Variants in CACNA1B observed in about 807,000 individuals in gnomAD.
CACNA1B encodes the protein voltage-dependent N-type calcium channel subunit alpha-1B.
CACNA1B carries 70 observed loss-of-function variants against 247.2 expected under a neutral mutation model. The ratio of observed to expected loss-of-function variants is 0.28; its 90% CI spans 0.23 to 0.35. The LOEUF (loss-of-function observed/expected upper bound fraction) is 0.35, where lower values mean the gene tolerates loss of function less well. CACNA1B is among the 10% of genes least tolerant of loss of function. The probability of loss-of-function intolerance (pLI) is 1.00; values close to 1 mark genes in which losing one functional copy is unlikely to be tolerated. For synonymous variants in CACNA1B, 1,231 were observed against 1,294.4 expected, an observed-to-expected ratio of 0.95 and a Z score of 1.05; for missense variants, 2,367 against 3,197.4, an observed-to-expected ratio of 0.74 and a Z score of 6.26.
chr9:137,960,959 C>T (rs1958014827), intron 10 of CACNA1B, among the ~76,000 whole-genome samples: 1 of 151,996 alleles, frequency 6.6e-6, no homozygotes, highest in Non-Finnish European at 1.5e-5. Context: ...CTCTAATAAT[C>T]AGTAACGTTG....
At chr9:138,022,395 C>A (rs1487209010) in intron 18 of CACNA1B, among the ~76,000 whole-genome samples, 1 of 152,126 alleles carries the variant, frequency 6.6e-6, no homozygotes, top group Non-Finnish European at 1.5e-5. Context: ...CTGAAAGGGC[C>A]AGGTGCTCCC....
chr9:138,013,521 G>A (rs1958753018), intron 18 of CACNA1B, among the ~76,000 whole-genome samples: 1 of 152,326 alleles, frequency 6.6e-6, no homozygotes, highest in South Asian at 2.1e-4. Flanking sequence ...GTGGCTCCAG[G>A]CCCCTCCCCA....
chr9:138,110,766 C>T (rs1301554925), intron 39 of CACNA1B, among the ~76,000 whole-genome samples: 3 of 151,924 alleles, frequency 2.0e-5, no homozygotes, highest in African/African-American at 7.3e-5. Flanking sequence ...AAAAGACAAG[C>T]CTAAAATTGG....
At chr9:138,078,002 G>T (rs1960386066) in intron 35 of CACNA1B, 112 bp from the exon 36 acceptor site, 2 of 851,858 alleles carry the variant, frequency 2.3e-6, no homozygotes, top group Non-Finnish European at 3.6e-6. Context: ...TGGCACATGT[G>T]TGAGCTGTCT....
rs1174301495 is a variant in CACNA1B, at chr9:138,073,652, T to C, written c.4791+48T>C. ...ATGCTTTCTGTCCCCTTCCTCCGTC[T>C]TGCTTCCCCTGCCCCCACCACAGTG... On this transcript the variant is annotated intron_variant, in intron 33 of 46. Coordinates refer to ENST00000371372, the MANE Select transcript of CACNA1B (RefSeq NM_000718.4). This position sits in a 1 kb window ranked among gnomAD's most constrained non-coding sequence, Gnocchi z 6.4. 1 of 1,076,520 alleles carries C rather than the reference T, an allele frequency of 9.3e-7. No individual in the cohort carries two copies. The highest frequency in any genetic ancestry group is 2.4e-5 in the East Asian group (1 of 42,320). 66.7% of individuals were successfully genotyped at this position (1,076,520 alleles called of 1,614,324 possible). A position where few individuals can be genotyped will look rare whatever the true frequency, so the allele number is the denominator to read the frequency against.
intron 37 of CACNA1B, among the ~76,000 whole-genome samples, chr9:138,099,784 C>G (rs937242839): frequency 2.6e-5 from 4 of 152,240 alleles, no homozygotes; most frequent in African/African-American, 9.6e-5. Flanking sequence ...CGAAACTGTT[C>G]ACCCTGGTGC....
chr9:138,053,817 T>G, intron 25 of CACNA1B, 29 bp from the exon 26 acceptor site: 1 of 1,202,966 alleles, frequency 8.3e-7, no homozygotes. Flanking sequence ...TTCCACCCCC[T>G]CATCATGGCT....
intron 39 of CACNA1B, among the ~76,000 whole-genome samples, chr9:138,112,187 C>T (rs1483775275): frequency 1.3e-5 from 2 of 152,170 alleles, no homozygotes; most frequent in African/African-American, 4.8e-5. Context: ...CACCTGCCTC[C>T]TCCTCTGGGC....
chr9:138,050,170 AC>A lies in CACNA1B; in HGVS notation c.3710+861del. Reference sequence around the variant, plus strand: ...CTTGGGTCATTTCATCTCCAGCCTCACCCCCCGCCCATCCACTTTCACCCCA... The same window carrying A: ...CTTGGGTCATTTCATCTCCAGCCTCACCCCCGCCCATCCACTTTCACCCCA... On this transcript the variant is annotated intron_variant, in intron 24 of 46. Coordinates refer to ENST00000371372, the MANE Select transcript of CACNA1B (RefSeq NM_000718.4). This position sits in a 1 kb window ranked among gnomAD's most constrained non-coding sequence, Gnocchi z 5.2. The A allele has an allele frequency of 2.0e-6, 2 of 1,007,554 alleles. No homozygotes were observed. Among genetic ancestry groups the A allele is most frequent in the Non-Finnish European group, 2.7e-6 (2 of 733,428 alleles). 62.4% of individuals were successfully genotyped at this position (1,007,554 alleles called of 1,614,324 possible). A position where few individuals can be genotyped will look rare whatever the true frequency, so the allele number is the denominator to read the frequency against.
At chr9:137,930,913 T>A (rs1001698207) in intron 6 of CACNA1B, among the ~76,000 whole-genome samples, 4 of 152,206 alleles carry the variant, frequency 2.6e-5, no homozygotes, top group African/African-American at 7.2e-5. Context: ...CACTCCAATT[T>A]AAAAAAATTA....
At chr9:137,976,065 C>T (rs1167412022) in intron 12 of CACNA1B, 46 bp downstream of exon 12, 1 of 1,122,602 alleles carries the variant, frequency 8.9e-7, no homozygotes, top group Non-Finnish European at 1.4e-6. Context: ...TCCTTTCCTG[C>T]AGGTGCACAC....
intron 37 of CACNA1B, among the ~76,000 whole-genome samples, chr9:138,101,529 T>G (rs1242084884): frequency 6.6e-6 from 1 of 152,216 alleles, no homozygotes; most frequent in Non-Finnish European, 1.5e-5. Flanking sequence ...AGTGAGCTGA[T>G]GGTCAGGCCA....
At chr9:138,003,300 G>A (rs1451703181) in intron 15 of CACNA1B, among the ~76,000 whole-genome samples, 3 of 151,424 alleles carry the variant, frequency 2.0e-5, no homozygotes, top group Non-Finnish European at 2.9e-5. Flanking sequence ...AGCCTTCTGA[G>A]TAGCTGGGAC....
chr9:138,058,124 C>T lies in CACNA1B; in HGVS notation c.4182C>T (p.Ile1394=). ...CTGGGTACCGCATGGAGCTGTCCAT[C>T]TTCTACGTGGTCTACTTTGTGGTCT... The part of the protein sequence containing the change: ...PSPGYRMELS[I]FYVVYFVVFP... Residue 1394 remains isoleucine, a synonymous_variant, in exon 28 of 47, where the codon ATC becomes ATT. Transcript: ENST00000371372. The surrounding 1 kb of genome is among the most constrained non-coding windows in gnomAD (Gnocchi z 4.7). 1.2e-6 allele frequency: 2 copies of T among 1,613,880 alleles called. No homozygotes were observed. Among genetic ancestry groups the T allele is most frequent in the Middle Eastern group, 1.6e-4 (1 of 6,062 alleles).
At chr9:137,968,641 G>A (rs1958109896) in intron 10 of CACNA1B, among the ~76,000 whole-genome samples, 1 of 152,250 alleles carries the variant, frequency 6.6e-6, no homozygotes, top group Non-Finnish European at 1.5e-5. Context: ...GGGTTATTGA[G>A]AACAGGGATG....
chr9:137,910,926 G>A (rs368101923), intron 3 of CACNA1B, among the ~76,000 whole-genome samples: 2 of 152,080 alleles, frequency 1.3e-5, no homozygotes, highest in African/African-American at 2.4e-5. Flanking sequence ...TATTGCCTGT[G>A]CTCTTGGTGT....
rs1037086775 is a variant in CACNA1B at position 137,971,812 on chromosome 9, G to A, written c.1543+220G>A. On this transcript the variant is annotated intron_variant, in intron 11 of 46. Coordinates refer to ENST00000371372, the MANE Select transcript of CACNA1B (RefSeq NM_000718.4). This position sits in a 1 kb window ranked among gnomAD's most constrained non-coding sequence, Gnocchi z 4.4. ...CTCTCCAGCCCCTGGGTTCCAGAAA[G>A]CACAGCTGGATCTGCTAGACCCCTG... Among the ~76,000 whole-genome samples, 1 of 152,176 alleles carries A rather than the reference G, an allele frequency of 6.6e-6. No individual in the cohort carries two copies. The highest frequency in any genetic ancestry group is 1.5e-5 in the Non-Finnish European group (1 of 68,026).
chr9:138,062,953 A>G (rs1959781865), intron 31 of CACNA1B, among the ~76,000 whole-genome samples: 1 of 152,226 alleles, frequency 6.6e-6, no homozygotes, highest in African/African-American at 2.4e-5. Flanking sequence ...TGCAATCACT[A>G]ACTTGTCTCT....
intron 31 of CACNA1B, among the ~76,000 whole-genome samples, chr9:138,066,119 A>G (rs147091325): frequency 1.9e-4 from 29 of 152,324 alleles, no homozygotes; most frequent in Admixed American, 1.6e-3. Context: ...TGGATAAGGA[A>G]GAGATCCAGT....
Sources: gnomAD v4.1 joint callset for allele counts (sites outside exome capture counted in the v4.1 genomes callset) on GRCh38, gnomAD v4.1.1 for gene constraint, Gnocchi (gnomAD v3.1) non-coding constraint, MANE v1.5 for transcripts, NCBI Gene and HGNC (gene_info 2026-07-23, HGNC 2026-07-21) for gene names.